VSNL1: variants seen among roughly 807,000 people sequenced by gnomAD.
VSNL1 encodes visinin like 1.
VSNL1 carries 6 observed loss-of-function variants against 20.4 expected under a neutral mutation model. That is an observed-to-expected ratio of 0.29 (90% CI 0.16 to 0.58). The LOEUF (loss-of-function observed/expected upper bound fraction) is 0.58, where lower values mean the gene tolerates loss of function less well. Among genes scored for constraint, VSNL1 ranks in the 20% least tolerant of loss-of-function variants. The pLI is 0.90. For synonymous variants in VSNL1, 93 were observed against 86.4 expected (o/e 1.08, Z -0.42); for missense variants, 100 against 234.5 (o/e 0.43, Z 3.75).
intron 1 of VSNL1, among the ~76,000 whole-genome samples, chr2:17,544,401 T>A (rs768213626): frequency 6.6e-6 from 1 of 152,136 alleles, no homozygotes; most frequent in Non-Finnish European, 1.5e-5. Flanking sequence ...ACCAGATAGA[T>A]AGCCTTTGCA....
At chr2:17,578,707 C>T (rs923139753) in intron 1 of VSNL1, among the ~76,000 whole-genome samples, 3 of 152,212 alleles carry the variant, frequency 2.0e-5, no homozygotes, top group African/African-American at 7.2e-5. Context: ...TAATTTTAGT[C>T]CCCCTAGCCT....
chr2:17,573,903 T>C (rs549729876), intron 1 of VSNL1, among the ~76,000 whole-genome samples: 1 of 152,360 alleles, frequency 6.6e-6, no homozygotes, highest in East Asian at 1.9e-4. Context: ...TTATCTAAGC[T>C]AGGATATTTT....
At chr2:17,643,052 A>T (rs964976483) in intron 2 of VSNL1, among the ~76,000 whole-genome samples, 1 of 152,060 alleles carries the variant, frequency 6.6e-6, no homozygotes, top group Non-Finnish European at 1.5e-5. Flanking sequence ...TGGAGAGCCT[A>T]CATGTGGAAG....
chr2:17,617,909 A>ACC (rs1553302998), intron 2 of VSNL1, among the ~76,000 whole-genome samples: 24 of 124,946 alleles, frequency 1.9e-4, no homozygotes, highest in Admixed American at 9.2e-4. Context: ...ACACACACAC[A>ACC]CCCCACCTTA....
chr2:17,598,779 T>A (rs1227903935), intron 2 of VSNL1, among the ~76,000 whole-genome samples: 1 of 152,238 alleles, frequency 6.6e-6, no homozygotes, highest in East Asian at 1.9e-4. Flanking sequence ...CTAGGTTCCA[T>A]AACAGTGGTT....
chr2:17,566,318 T>C (rs1406872034), intron 1 of VSNL1, among the ~76,000 whole-genome samples: 3 of 152,212 alleles, frequency 2.0e-5, no homozygotes, highest in Non-Finnish European at 4.4e-5. Context: ...TATTAAATAC[T>C]GCCAAATTGT....
intron 2 of VSNL1, among the ~76,000 whole-genome samples, chr2:17,595,383 G>T (rs1664689219): frequency 6.6e-6 from 1 of 152,206 alleles, no homozygotes; most frequent in Admixed American, 6.5e-5. Context: ...TCACCACAAT[G>T]TAATGTGTAA....
intron 1 of VSNL1, among the ~76,000 whole-genome samples, chr2:17,555,472 A>G (rs1663655097): frequency 6.6e-6 from 1 of 152,072 alleles, no homozygotes; most frequent in Admixed American, 6.6e-5. Flanking sequence ...TACCACCATC[A>G]TCATTATCAC....
intron 1 of VSNL1, among the ~76,000 whole-genome samples, chr2:17,586,341 G>A (rs62132082): frequency 0.097 from 14,832 of 152,186 alleles, 1,035 homozygotes; most frequent in African/African-American, 0.19. Flanking sequence ...AGATTTCCCT[G>A]CAAGGGATCA....
intron 2 of VSNL1, among the ~76,000 whole-genome samples, chr2:17,641,122 C>A (rs551214232): frequency 3.3e-5 from 5 of 152,338 alleles, no homozygotes; most frequent in African/African-American, 1.2e-4. Context: ...ATCATTGTCA[C>A]CATGACGCTG....
rs184612217 is a variant in VSNL1 at position 17,624,592 on chromosome 2, G to A, written c.163-24818G>A. On this transcript the variant is annotated intron_variant, in intron 2 of 3. Coordinates refer to ENST00000295156, the MANE Select transcript of VSNL1 (RefSeq NM_003385.5). The stretch of plus-strand genomic sequence containing the variant: ...GGGAGGCAGAAGGGAAGGTTGGAGT[G>A]ACTCAATGTGAGGATTCCGTCTGCC... Among the ~76,000 whole-genome samples, 65 of 152,254 alleles carry A rather than the reference G, an allele frequency of 4.3e-4. 1 individual carries two copies. In the East Asian group the frequency reaches 7.9e-3, roughly 19 times the overall value.
At chr2:17,567,243 T>G (rs1344166450) in intron 1 of VSNL1, 2 of 151,658 alleles carry the variant, frequency 1.3e-5, no homozygotes, top group Non-Finnish European at 2.9e-5. Context: ...TTTTTAAAAA[T>G]AAAGTTCTAT....
Position 17,656,202 on chromosome 2 carries a change from T to C in VSNL1, c.*808T>C, listed in dbSNP as rs1666230658. The C allele has an allele frequency of 6.6e-6, 1 of 152,194 alleles. No homozygotes were observed. The highest frequency in any genetic ancestry group is 2.1e-4 in the South Asian group (1 of 4,832). 9.4% of individuals were successfully genotyped at this position (152,194 alleles called of 1,614,324 possible). On this transcript the variant is annotated 3_prime_UTR_variant, in exon 4 of 4. Coordinates refer to ENST00000295156, the MANE Select transcript of VSNL1 (RefSeq NM_003385.5). ...CAATTGATTTTCCCCCTAATTCTTA[T>C]TTTATAATTTTAAAATTGCAGCAGT...
At chr2:17,630,175 T>C (rs1019632072) in intron 2 of VSNL1, among the ~76,000 whole-genome samples, 1 of 152,252 alleles carries the variant, frequency 6.6e-6, no homozygotes, top group African/African-American at 2.4e-5. Flanking sequence ...TGTCTTTGCC[T>C]TGTCTTCTAG....
chr2:17,575,129 A>G (rs12623000), intron 1 of VSNL1, among the ~76,000 whole-genome samples: 33,078 of 152,132 alleles, frequency 0.22, 4,695 homozygotes, highest in Middle Eastern at 0.4. Context: ...TGCCCAGCCT[A>G]TTAAACTTTT....
At chr2:17,643,294 C>T (rs1385605358) in intron 2 of VSNL1, among the ~76,000 whole-genome samples, 1 of 152,184 alleles carries the variant, frequency 6.6e-6, no homozygotes, top group East Asian at 1.9e-4. Flanking sequence ...GAAAATGTCT[C>T]TCGTCTTCCC....
intron 2 of VSNL1, among the ~76,000 whole-genome samples, chr2:17,638,558 C>A (rs1665811070): frequency 6.6e-6 from 1 of 152,164 alleles, no homozygotes; most frequent in Non-Finnish European, 1.5e-5. Context: ...GACTCATGCA[C>A]ACTGAGCCTG....
intron 3 of VSNL1, among the ~76,000 whole-genome samples, chr2:17,650,681 G>C (rs1666105482): frequency 2.0e-5 from 3 of 152,164 alleles, no homozygotes; most frequent in Non-Finnish European, 2.9e-5. Context: ...AAGAAAATGG[G>C]ATGATTGCAA....
At chr2:17,646,177 T>C (rs1233459985) in intron 2 of VSNL1, among the ~76,000 whole-genome samples, 1 of 152,212 alleles carries the variant, frequency 6.6e-6, no homozygotes, top group Non-Finnish European at 1.5e-5. Flanking sequence ...CTGCTCTCAA[T>C]GTTGAGTTAA....
Sources: gnomAD v4.1 joint callset for allele counts (sites outside exome capture counted in the v4.1 genomes callset) on GRCh38, gnomAD v4.1.1 for gene constraint, MANE v1.5 for transcripts, NCBI Gene and HGNC (gene_info 2026-07-23, HGNC 2026-07-21) for gene names.